The following ZNF638 variants were observed in gnomAD, a reference collection of about 807,000 sequenced individuals.
ZNF638 encodes CTCL tumor antigen se33-1.
A neutral mutation model predicts 195.6 loss-of-function variants in ZNF638; 46 were observed. The ratio of observed to expected loss-of-function variants is 0.24; its 90% CI spans 0.19 to 0.30. The LOEUF (loss-of-function observed/expected upper bound fraction) is 0.30. Among genes scored for constraint, ZNF638 ranks in the 10% least tolerant of loss-of-function variants. ZNF638 has a pLI of 1.00. For synonymous variants in ZNF638, 845 were observed against 772.0 expected, an observed-to-expected ratio of 1.09 and a Z score of -1.57; for missense variants, 2,440 against 2,325.3, an observed-to-expected ratio of 1.05 and a Z score of -1.01.
At chr2:71,385,550 T>G (rs563006889) in intron 10 of ZNF638, among the ~76,000 whole-genome samples, 6 of 152,318 alleles carry the variant, frequency 3.9e-5, no homozygotes, top group African/African-American at 1.4e-4. Context: ...GAGATCATTA[T>G]GAAGGAACCA....
At chr2:71,404,938 T>C (rs6725697) in intron 17 of ZNF638, among the ~76,000 whole-genome samples, 102,868 of 152,086 alleles carry the variant, frequency 0.68, 35,652 homozygotes, top group East Asian at 0.99. Flanking sequence ...AGAAATATTA[T>C]ATCCTTTCTA....
chr2:71,355,118 G>A lies in ZNF638; in HGVS notation c.1318-601G>A, dbSNP rs188870792. 6.9e-3 allele frequency among the ~76,000 whole-genome samples: 1,052 copies of A among 152,116 alleles called. 9 individuals are homozygous for A. The highest frequency in any genetic ancestry group is 0.011 in the Admixed American group (169 of 15,284). On this transcript the variant is annotated intron_variant, in intron 2 of 27. Coordinates refer to ENST00000264447, the MANE Select transcript of ZNF638 (RefSeq NM_014497.5). ...TGAGTCGCTGGGGCTACAGGTGCCC[G>A]CCACAACGCCTGGCTAATTTTTTGT...
intron 1 of ZNF638, among the ~76,000 whole-genome samples, chr2:71,334,968 G>A (rs961908977): frequency 6.6e-6 from 1 of 151,970 alleles, no homozygotes; most frequent in African/African-American, 2.4e-5. Context: ...GAATAATAAG[G>A]GTTTTGGTTT....
rs534462257 is a variant in ZNF638 at position 71,346,095 on chromosome 2, C to T, written c.-202-2658C>T. ...TCCAAATGATACTTATTCACAATTC[C>T]ATTTAGTAATTAGATCACTCTGATT... On this transcript the variant is annotated intron_variant, in intron 1 of 27. Transcript: ENST00000264447. 3.9e-5 allele frequency among the ~76,000 whole-genome samples: 6 copies of T among 152,276 alleles called. No homozygotes were observed. The South Asian group carries it at 1.2e-3, about 32-fold the overall frequency.
Position 71,423,059 on chromosome 2 carries a change from C to G in ZNF638, c.3545C>G (p.Ala1182Gly). 1 of 1,614,116 alleles carries G rather than the reference C, an allele frequency of 6.2e-7. No individual in the cohort carries two copies. Among genetic ancestry groups the G allele is most frequent in the African/African-American group, 1.3e-5 (1 of 75,046 alleles). Residue 1182 changes from alanine to glycine, a missense_variant, in exon 22 of 28, where the codon GCA becomes GGA. Coordinates refer to ENST00000264447, the MANE Select transcript of ZNF638 (RefSeq NM_014497.5). ...GTCAAAGAAGAAATTCCTCTTGTAG[C>G]ATCCGCTTCAGTCAGTATTGAACAA... is the stretch of plus-strand genomic sequence containing the variant. ...EEVKEEIPLV[A>G]SASVSIEQFT...
At chr2:71,411,936 A>G (rs2080236786) in intron 20 of ZNF638, among the ~76,000 whole-genome samples, 1 of 82,258 alleles carries the variant, frequency 1.2e-5, no homozygotes, top group Admixed American at 1.4e-4. Context: ...CAATAAACAT[A>G]CGTGTGCATG....
chr2:71,349,965 T>C lies in ZNF638; in HGVS notation c.1011T>C (p.Phe337=). The C allele has an allele frequency of 6.2e-7, 1 of 1,614,208 alleles. No homozygotes were observed. Among genetic ancestry groups the C allele is most frequent in the African/African-American group, 1.3e-5 (1 of 75,056 alleles). ...CTCCATCTATGAACCAGCAACCTTT[T>C]TCGTCGGAATTAATTTCATCTGTAA... ...LIPPSMNQQP[F]SSELISSVSQ... is the part of the protein sequence containing the mutation. Residue 337 remains phenylalanine (F), a synonymous_variant, in exon 2 of 28, where the codon TTT becomes TTC. Coordinates refer to ENST00000264447, the MANE Select transcript of ZNF638 (RefSeq NM_014497.5).
intron 3 of ZNF638, among the ~76,000 whole-genome samples, chr2:71,362,252 C>T (rs781550323): frequency 5.3e-5 from 8 of 151,996 alleles, no homozygotes; most frequent in South Asian, 2.1e-4. Context: ...ATTCTGTCCT[C>T]GGCTCTCTTT....
chr2:71,424,514 CAT>C lies in ZNF638; in HGVS notation c.4525-135_4525-134del, dbSNP rs983676649. 14 of 679,144 alleles carry C rather than the reference CAT, an allele frequency of 2.1e-5. No homozygotes were observed. In the African/African-American group the frequency reaches 2.2e-4, roughly 11 times the overall value. 42.1% of individuals were successfully genotyped at this position (679,144 alleles called of 1,614,324 possible). A position where few individuals can be genotyped will look rare whatever the true frequency, so the allele number is the denominator to read the frequency against. ...GTGACTGTTGACTTAGTTTTGTATA[CAT>C]GTTAAATAATTTGCATAATTGACTG... On this transcript the variant is annotated intron_variant, in intron 22 of 27. Coordinates refer to ENST00000264447, the MANE Select transcript of ZNF638 (RefSeq NM_014497.5).
chr2:71,407,856 T>C (rs2080136406), intron 19 of ZNF638: 1 of 267,998 alleles, frequency 3.7e-6, no homozygotes, highest in Non-Finnish European at 7.0e-6. Flanking sequence ...CAGATTTTTC[T>C]TCATTTTTAA....
At chr2:71,344,753 A>G (rs898087827) in intron 1 of ZNF638, among the ~76,000 whole-genome samples, 5 of 152,222 alleles carry the variant, frequency 3.3e-5, no homozygotes, top group African/African-American at 9.6e-5. Flanking sequence ...TGGGGCACCT[A>G]AGTTAAATTT....
chr2:71,341,319 TAAAAC>T (rs2078758305), intron 1 of ZNF638, among the ~76,000 whole-genome samples: 1 of 152,244 alleles, frequency 6.6e-6, no homozygotes, highest in South Asian at 2.1e-4. Context: ...AGTTACTTGT[TAAAAC>T]AGTTCAAAGG....
rs2080016444 is a variant in ZNF638, at chr2:71,401,983, G to A, written c.2725G>A (p.Val909Ile). Residue 909 changes from valine (V) to isoleucine (I), a missense_variant, in exon 16 of 28, where the codon GTC becomes ATC. Val to Ile is a conservative substitution (Grantham distance 29). Around this residue, in one of 5 missense-constraint regions of ZNF638, gnomAD observed 1,883 missense variants for 1,739.1 expected, o/e 1.08. Coordinates refer to ENST00000264447, the MANE Select transcript of ZNF638 (RefSeq NM_014497.5). ...AACAGAAGAAATGTGTGTGATGCTT[G>A]TCTCTAATTTGCCTAATAAAGGATA... ...KETEEMCVML[V>I]SNLPNKGYSV... 5 of 1,595,614 alleles carry A rather than the reference G, an allele frequency of 3.1e-6. No homozygotes were observed. Among genetic ancestry groups the A allele is most frequent in the Non-Finnish European group, 4.3e-6 (5 of 1,169,824 alleles).
rs994817439 is a variant in ZNF638 at position 71,401,879 on chromosome 2, C to T, written c.2698-77C>T. 4 of 1,265,722 alleles carry T rather than the reference C, an allele frequency of 3.2e-6. No individual in the cohort carries two copies. The African/African-American group carries it at 6.0e-5, about 19-fold the overall frequency. 78.4% of individuals were successfully genotyped at this position (1,265,722 alleles called of 1,614,324 possible). A position where few individuals can be genotyped will look rare whatever the true frequency, so the allele number is the denominator to read the frequency against. On this transcript the variant is annotated intron_variant, in intron 15 of 27. Transcript: ENST00000264447. ...TAAATGCAACAATATACTAATATAA[C>T]ATGATACACAGTATAAACTTAAGTA...
At chr2:71,389,811 C>T (rs371466235) in intron 10 of ZNF638, among the ~76,000 whole-genome samples, 1 of 152,310 alleles carries the variant, frequency 6.6e-6, no homozygotes, top group South Asian at 2.1e-4. Flanking sequence ...CATCCCCAGG[C>T]CGCTGATAAT....
intron 21 of ZNF638, among the ~76,000 whole-genome samples, chr2:71,419,974 C>CCCCCCCCCCTTTTT (rs1189202093): frequency 3.7e-5 from 1 of 27,022 alleles, no homozygotes; most frequent in African/African-American, 1.6e-4. Flanking sequence ...CCCCCCCCGC[C>CCCCCCCCCCTTTTT]TTTTTTTTTT....
intron 1 of ZNF638, among the ~76,000 whole-genome samples, 167 bp downstream of exon 1, chr2:71,332,042 AC>A (rs1255754137): frequency 6.7e-6 from 1 of 150,278 alleles, no homozygotes; most frequent in Non-Finnish European, 1.5e-5. Context: ...AGGTTGGGGG[AC>A]CCCCGGGATG....
chr2:71,364,343 T>C (rs970158275), intron 5 of ZNF638, 91 bp downstream of exon 5: 2 of 1,347,824 alleles, frequency 1.5e-6, no homozygotes, highest in Admixed American at 2.5e-5. Context: ...TGTTCTACTT[T>C]ATTAAATTTT....
intron 1 of ZNF638, among the ~76,000 whole-genome samples, chr2:71,336,451 A>G (rs1006436628): frequency 1.3e-5 from 2 of 152,206 alleles, no homozygotes; most frequent in African/African-American, 4.8e-5. Flanking sequence ...TCAATATAGG[A>G]AATACTGAAA....
Sources: gnomAD v4.1 joint callset for allele counts (sites outside exome capture counted in the v4.1 genomes callset) on GRCh38, gnomAD v4.1.1 for gene constraint, gnomAD v4.1.1 regional missense constraint, MANE v1.5 for transcripts, NCBI Gene and HGNC (gene_info 2026-07-23, HGNC 2026-07-21) for gene names.